The following NDST3 variants were observed in gnomAD, a reference collection of about 807,000 sequenced individuals.
The protein encoded by NDST3 is bifunctional heparan sulfate N-deacetylase/N-sulfotransferase 3.
In NDST3, 58 loss-of-function variants were observed where a neutral mutation model predicts 96.1. The observed-to-expected ratio is 0.60, with a 90% confidence interval of 0.49 to 0.75. The LOEUF (loss-of-function observed/expected upper bound fraction) is 0.75. NDST3 is among the 30% of genes least tolerant of loss of function. The pLI is 0.00. For synonymous variants in NDST3, 333 were observed against 359.7 expected, an observed-to-expected ratio of 0.93 and a Z score of 0.84; for missense variants, 788 against 1,034.2, an observed-to-expected ratio of 0.76 and a Z score of 3.27.
chr4:118,087,959 C>A (rs1341373484), intron 2 of NDST3, among the ~76,000 whole-genome samples: 1 of 151,984 alleles, frequency 6.6e-6, no homozygotes, highest in Admixed American at 6.6e-5. Flanking sequence ...GGAAACTCAC[C>A]ATATGAGGGA....
intron 13 of NDST3, among the ~76,000 whole-genome samples, chr4:118,254,349 G>A (rs1741977620): frequency 6.6e-6 from 1 of 151,830 alleles, no homozygotes; most frequent in South Asian, 2.1e-4. Flanking sequence ...AATATACTAA[G>A]TTTTGAGCTG....
chr4:118,243,221 T>C (rs1366884028), intron 12 of NDST3, among the ~76,000 whole-genome samples: 3 of 152,154 alleles, frequency 2.0e-5, no homozygotes, highest in East Asian at 3.8e-4. Context: ...TTGTACTCTT[T>C]AATATCAATT....
rs749478461 is a variant in NDST3 at position 118,053,915 on chromosome 4, GT to G, written c.9del (p.Phe3LeufsTer3). On this transcript the variant is annotated frameshift_variant, in exon 2 of 14. Transcript: ENST00000296499. LOFTEE classifies it high-confidence loss of function. The part of the protein sequence containing the change: M[S>X]FIMKLHRHFQ... ...GTTGGGGAAAGCACCTACAACATGA[GT>G]TTTATCATGAAGCTTCACAGACACT... 1 of 1,597,694 alleles carries G rather than the reference GT, an allele frequency of 6.3e-7. No individual in the cohort carries two copies. The highest frequency in any genetic ancestry group is 1.3e-5 in the African/African-American group (1 of 74,430).
intron 3 of NDST3, among the ~76,000 whole-genome samples, chr4:118,113,553 C>T (rs1361017427): frequency 6.6e-6 from 1 of 152,242 alleles, no homozygotes; most frequent in East Asian, 1.9e-4. Context: ...CAATGCCCAC[C>T]AAATCACAGG....
chr4:118,105,156 T>C (rs1023153082), intron 3 of NDST3, 51 bp downstream of exon 3: 7 of 1,406,444 alleles, frequency 5.0e-6, no homozygotes, highest in Non-Finnish European at 7.0e-6. Flanking sequence ...GATCACTCTA[T>C]TTAAAATTGC....
rs143117230 is a variant in NDST3, at chr4:118,085,938, C to A, written c.982-19080C>A. On this transcript the variant is annotated intron_variant, in intron 2 of 13. Transcript: ENST00000296499. ...GCCATTATGGGCTGCTGCCTAGCTA[C>A]ATGGTCATGTCGTTACTTCGCATTT... 4.3e-3 allele frequency among the ~76,000 whole-genome samples: 660 copies of A among 152,278 alleles called. 4 individuals carry two copies. Among genetic ancestry groups the A allele is most frequent in the African/African-American group, 0.015 (623 of 41,558 alleles).
intron 2 of NDST3, among the ~76,000 whole-genome samples, chr4:118,067,761 G>T (rs553177454): frequency 6.6e-6 from 1 of 151,994 alleles, no homozygotes; most frequent in African/African-American, 2.4e-5. Context: ...TGTGGAGGGT[G>T]GGGGTGATGG....
intron 6 of NDST3, among the ~76,000 whole-genome samples, chr4:118,143,920 C>T (rs1733752547): frequency 6.6e-6 from 1 of 152,140 alleles, no homozygotes; most frequent in Non-Finnish European, 1.5e-5. Context: ...AGCGGATCCT[C>T]CTTTGCATTG....
At chr4:118,224,452 T>G (rs573558945) in intron 6 of NDST3, 39 bp from the exon 7 acceptor site, 1 of 1,556,024 alleles carries the variant, frequency 6.4e-7, no homozygotes, top group African/African-American at 1.4e-5. Context: ...AGTGTCAAAA[T>G]AAATGTTATT....
intron 2 of NDST3, among the ~76,000 whole-genome samples, chr4:118,066,103 A>C: frequency 2.4e-5 from 1 of 41,372 alleles, no homozygotes; most frequent in Non-Finnish European, 6.6e-5. Context: ...TATATATTAT[A>C]TAATATATTT....
chr4:118,238,785 C>T (rs1220363133), intron 10 of NDST3, among the ~76,000 whole-genome samples: 1 of 152,210 alleles, frequency 6.6e-6, no homozygotes, highest in East Asian at 1.9e-4. Context: ...CAGACTCCTT[C>T]GGAATGACAA....
rs558556108 is a variant in NDST3, at chr4:118,150,877, C to T, written c.1539+7193C>T. 3.4e-3 allele frequency among the ~76,000 whole-genome samples: 522 copies of T among 152,134 alleles called. 2 individuals are homozygous for T. Among genetic ancestry groups the T allele is most frequent in the African/African-American group, 0.011 (473 of 41,418 alleles). ...AGAAATACCATTTGACCCAGCCATC[C>T]CATTACTGGGTATATACCCAAAGGA... On this transcript the variant is annotated intron_variant, in intron 6 of 13. Transcript: ENST00000296499.
At chr4:118,061,684 T>C (rs916986064) in intron 2 of NDST3, among the ~76,000 whole-genome samples, 11 of 152,190 alleles carry the variant, frequency 7.2e-5, no homozygotes, top group Admixed American at 6.6e-4. Flanking sequence ...TTTCATCTAT[T>C]TTGTTCACGG....
Position 118,133,739 on chromosome 4 carries a change from C to T in NDST3, c.1225-4315C>T, listed in dbSNP as rs80338455. 8.1e-4 allele frequency among the ~76,000 whole-genome samples: 123 copies of T among 152,100 alleles called. No individual in the cohort carries two copies. The East Asian group carries it at 0.023, about 28-fold the overall frequency. On this transcript the variant is annotated intron_variant, in intron 4 of 13. Coordinates refer to ENST00000296499, the MANE Select transcript of NDST3 (RefSeq NM_004784.3). ...ATATTAAAATTTCCCTGATAGTTAC[C>T]ATATGTTTATTCTTCAGACGAACAG... is the stretch of plus-strand genomic sequence containing the variant.
intron 5 of NDST3, among the ~76,000 whole-genome samples, chr4:118,140,280 C>T (rs905158936): frequency 6.6e-6 from 1 of 152,140 alleles, no homozygotes; most frequent in Non-Finnish European, 1.5e-5. Flanking sequence ...AACAAAGCAC[C>T]TTAGTATATA....
chr4:118,037,374 A>G (rs1260138574), intron 1 of NDST3, among the ~76,000 whole-genome samples: 4 of 152,302 alleles, frequency 2.6e-5, no homozygotes, highest in South Asian at 4.1e-4. Flanking sequence ...AAGATTATTT[A>G]AGGTAAATAT....
intron 2 of NDST3, among the ~76,000 whole-genome samples, chr4:118,059,140 C>G (rs886083187): frequency 6.6e-6 from 1 of 152,020 alleles, no homozygotes. Flanking sequence ...TGAGAAAATT[C>G]CTAACATTCT....
At chr4:118,254,663 A>AT (rs903732567) in intron 13 of NDST3, among the ~76,000 whole-genome samples, 1 of 151,982 alleles carries the variant, frequency 6.6e-6, no homozygotes, top group Non-Finnish European at 1.5e-5. Context: ...TGATTTGTAA[A>AT]TTTTTTTTAG....
chr4:118,176,124 T>C (rs1297080029), intron 6 of NDST3, among the ~76,000 whole-genome samples: 1 of 151,930 alleles, frequency 6.6e-6, no homozygotes, highest in African/African-American at 2.4e-5. Flanking sequence ...ATCTAATTAT[T>C]TAGATTAAAA....
Sources: gnomAD v4.1 joint callset for allele counts (sites outside exome capture counted in the v4.1 genomes callset) on GRCh38, gnomAD v4.1.1 for gene constraint, MANE v1.5 for transcripts, NCBI Gene and HGNC (gene_info 2026-07-23, HGNC 2026-07-21) for gene names.